Variants in PGLYRP2 observed in about 807,000 individuals in gnomAD.
PGLYRP2 encodes peptidoglycan recognition protein 2.
PGLYRP2 carries 38 observed loss-of-function variants against 46.2 expected under a neutral mutation model. That is an observed-to-expected ratio of 0.82 (90% CI 0.64 to 1.08). The LOEUF is 1.08. Ranked by LOEUF, PGLYRP2 falls within the 50% of genes least tolerant of loss-of-function variation. The probability of loss-of-function intolerance (pLI) is 0.00; values close to 1 mark genes in which losing one functional copy is unlikely to be tolerated. For missense variants in PGLYRP2, 713 were observed against 755.9 expected, an observed-to-expected ratio of 0.94 and a Z score of 0.67; for synonymous variants, 289 against 329.4, an observed-to-expected ratio of 0.88 and a Z score of 1.33.
chr19:15,469,873 C>T lies in PGLYRP2; in HGVS notation c.1400G>A (p.Gly467Asp), dbSNP rs376090335. 1.3e-5 allele frequency: 19 copies of T among 1,495,092 alleles called. No homozygotes were observed. Among genetic ancestry groups the T allele is most frequent in the Non-Finnish European group, 1.7e-5 (19 of 1,132,588 alleles). 92.6% of individuals were successfully genotyped at this position (1,495,092 alleles called of 1,614,324 possible). A position where few individuals can be genotyped will look rare whatever the true frequency, so the allele number is the denominator to read the frequency against. ...GGAGTTGTGGCCGAGCGTGTGGGCG[C>T]CCACCCAGTGCCAGCCGCGTCCCTC... ...VYEGRGWHWV[G>D]AHTLGHNSRG... The change falls in exon 4 of 5, where the codon GGC becomes GAC. Residue 467 changes from glycine (G) to aspartate (D), a missense_variant. Transcript: ENST00000340880. This position sits in a 1 kb window ranked among gnomAD's most constrained non-coding sequence, Gnocchi z 4.9.
At chr19:15,471,807 C>T in intron 3 of PGLYRP2, 83 bp downstream of exon 3, 4 of 1,457,416 alleles carry the variant, frequency 2.7e-6, no homozygotes, top group East Asian at 2.4e-5. Context: ...GGTTCAAGCC[C>T]GGTCCCCTGC....
At chr19:15,470,299 TC>T in intron 3 of PGLYRP2, among the ~76,000 whole-genome samples, 2 of 140,454 alleles carry the variant, frequency 1.4e-5, no homozygotes. Flanking sequence ...CTTCCTTCTT[TC>T]TTTCTTTCTT....
chr19:15,476,360 C>G lies in PGLYRP2; in HGVS notation c.310G>C (p.Glu104Gln), dbSNP rs1970796474. 6.2e-7 allele frequency: 1 copy of G among 1,614,144 alleles called. No homozygotes were observed. The highest frequency in any genetic ancestry group is 8.5e-7 in the Non-Finnish European group (1 of 1,180,018). Residue 104 changes from glutamate (E) to glutamine (Q), a missense_variant, in exon 2 of 5, where the codon GAA (glutamate) becomes CAA (glutamine). Transcript: ENST00000340880. ...TKEVARHDVREGKEYGVVLAP... is the reference protein window; with the variant it reads ...TKEVARHDVRQGKEYGVVLAP... ...AGCACCACCCCATATTCCTTCCCTT[C>G]TCGTACGTCATGTCGGGCCACCTCC...
rs571373080 is a variant in PGLYRP2 at position 15,474,618 on chromosome 19, G to T, written c.1132+920C>A. 2.2e-4 allele frequency among the ~76,000 whole-genome samples: 34 copies of T among 152,220 alleles called. No individual in the cohort carries two copies. In the South Asian group the frequency reaches 7.1e-3, roughly 32 times the overall value. The stretch of plus-strand genomic sequence containing the variant: ...AGCCCTGGACGAAGGTCAGGCCCAG[G>T]TTTCCAGCTAGGGTGATTGCCAGGA... On this transcript the variant is annotated intron_variant, in intron 2 of 4. Transcript: ENST00000340880.
At position 15,469,456 on chromosome 19, in the gene PGLYRP2, G is replaced by A. The variant is rs1318565566; in HGVS notation, c.1641+176C>T. 3 of 902,950 alleles carry A rather than the reference G, an allele frequency of 3.3e-6. No homozygotes were observed. Among genetic ancestry groups the A allele is most frequent in the Non-Finnish European group, 5.3e-6 (3 of 567,116 alleles). 55.9% of individuals were successfully genotyped at this position (902,950 alleles called of 1,614,324 possible). On this transcript the variant is annotated intron_variant, in intron 4 of 4. Transcript: ENST00000340880. The surrounding 1 kb of genome is among the most constrained non-coding windows in gnomAD (Gnocchi z 4.9). The stretch of plus-strand genomic sequence containing the variant: ...AGTCACAGGATCAGGGATGTTGCCC[G>A]CAGAGTGACCCGCAAAGGCTGGGCC...
intron 3 of PGLYRP2, among the ~76,000 whole-genome samples, chr19:15,471,504 C>G (rs1970748736): frequency 6.6e-6 from 1 of 151,834 alleles, no homozygotes; most frequent in Non-Finnish European, 1.5e-5. Context: ...TGGGCTCCAG[C>G]GATCCTCTCT....
intron 1 of PGLYRP2, among the ~76,000 whole-genome samples, chr19:15,477,021 C>T (rs983492257): frequency 7.9e-5 from 12 of 151,994 alleles, no homozygotes; most frequent in Admixed American, 3.3e-4. Context: ...GTCCCCAGAT[C>T]GTGAGAGGGA....
intron 3 of PGLYRP2, among the ~76,000 whole-genome samples, chr19:15,470,241 T>TTCCCTTCC (rs1970732657): frequency 1.0e-5 from 1 of 100,002 alleles, no homozygotes; most frequent in Non-Finnish European, 2.0e-5. Context: ...GTTTTTTTTC[T>TTCCCTTCC]TTCCTTCCTT....
chr19:15,474,737 C>T (rs1385599984), intron 2 of PGLYRP2, among the ~76,000 whole-genome samples: 1 of 152,138 alleles, frequency 6.6e-6, no homozygotes, highest in African/African-American at 2.4e-5. Flanking sequence ...GCCCGTAATC[C>T]TAGCACTTTG....
Position 15,468,719 on chromosome 19 carries a change from T to TA in PGLYRP2, c.1674dup (p.Lys559Ter), listed in dbSNP as rs1273053685. 1.9e-6 allele frequency: 3 copies of TA among 1,612,848 alleles called. No individual in the cohort carries two copies. The South Asian group carries it at 3.3e-5, about 18-fold the overall frequency. On this transcript the variant is annotated frameshift_variant, in exon 5 of 5. Transcript: ENST00000340880. LOFTEE classifies it low-confidence loss of function (END_TRUNC). Reference sequence around the variant, plus strand: ...GGGGGTGGCTCCCTCCTGGATCTCTTAGAGACACTCCTGGCAGGTCTTGGC... The same window carrying TA: ...GGGGGTGGCTCCCTCCTGGATCTCTTAAGAGACACTCCTGGCAGGTCTTGGC...
In PGLYRP2 at chr19:15,469,505, G is replaced by A. The variant is rs1445183657; in HGVS notation, c.1641+127C>T. 3 of 1,316,028 alleles carry A rather than the reference G, an allele frequency of 2.3e-6. No homozygotes were observed. Among genetic ancestry groups the A allele is most frequent in the Non-Finnish European group, 3.2e-6 (3 of 945,008 alleles). 81.5% of individuals were successfully genotyped at this position (1,316,028 alleles called of 1,614,324 possible). On this transcript the variant is annotated intron_variant, in intron 4 of 4. Transcript: ENST00000340880. The surrounding 1 kb of genome is among the most constrained non-coding windows in gnomAD (Gnocchi z 4.9). ...CCTAGGTTTCCTGAATAGACGTGCC[G>A]CCGGGAAGTTGGGGGCCTGGCTGAG...
At position 15,469,154 on chromosome 19, in the gene PGLYRP2, CA is replaced by C; in HGVS notation, c.1642-403del. On this transcript the variant is annotated intron_variant, in intron 4 of 4. Transcript: ENST00000340880. This position sits in a 1 kb window ranked among gnomAD's most constrained non-coding sequence, Gnocchi z 4.9. ...AAGGACTGGACAGAGGTTGTGAAGG[CA>C]AAAGGTCACAGCCTAGGTTCATGTT... The C allele has an allele frequency of 1.8e-6, 1 of 566,150 alleles. No homozygotes were observed. The highest frequency in any genetic ancestry group is 3.1e-6 in the Non-Finnish European group (1 of 318,364). 35.1% of individuals were successfully genotyped at this position (566,150 alleles called of 1,614,324 possible). A position where few individuals can be genotyped will look rare whatever the true frequency, so the allele number is the denominator to read the frequency against.
chr19:15,469,742 C>A lies in PGLYRP2; in HGVS notation c.1531G>T (p.Gly511Cys). 6.7e-7 allele frequency: 1 copy of A among 1,486,372 alleles called. No individual in the cohort carries two copies. The highest frequency in any genetic ancestry group is 8.9e-7 in the Non-Finnish European group (1 of 1,125,398). 92.1% of individuals were successfully genotyped at this position (1,486,372 alleles called of 1,614,324 possible). ...DTLPSCAVRAGLLRPDYALLG... is the reference protein window; with the variant it reads ...DTLPSCAVRACLLRPDYALLG... ...AGCGCGTAGTCTGGCCGCAGGAGGC[C>A]GGCGCGCACCGCACAACTCGGGAGC... Residue 511 changes from glycine to cysteine, a missense_variant, in exon 4 of 5, where the codon GGC (glycine) becomes TGC (cysteine). Gly to Cys is a radical substitution (Grantham distance 159, BLOSUM62 -3). Transcript: ENST00000340880. This position sits in a 1 kb window ranked among gnomAD's most constrained non-coding sequence, Gnocchi z 4.9.
rs778851058 is a variant in PGLYRP2 at position 15,476,481 on chromosome 19, G to A, written c.189C>T (p.His63=). The A allele has an allele frequency of 7.4e-6, 12 of 1,614,198 alleles. No individual in the cohort carries two copies. The Admixed American group carries it at 2.0e-4, about 27-fold the overall frequency. The change falls in exon 2 of 5, where the codon CAC becomes CAT. Residue 63 remains histidine (H), a synonymous_variant. Transcript: ENST00000340880. ...CCAGCAGGAAGTGGTAGAGGCGATT[G>A]TGGGGGCCAGAGTTTGGAGCTGACA... ...WLMSAPNSGP[H]NRLYHFLLGA... is the part of the protein sequence containing the mutation.
rs1970797190 is a variant in PGLYRP2 at position 15,476,391 on chromosome 19, C to G, written c.279G>C (p.Leu93=). The change falls in exon 2 of 5, where the codon CTG becomes CTC. Residue 93 remains leucine, a synonymous_variant. Coordinates refer to ENST00000340880, the MANE Select transcript of PGLYRP2 (RefSeq NM_052890.4). ...CGTCATGTCGGGCCACCTCCTTGGTCAGGCCTAACAGCTCTGGGCTTAGTG... is the reference window on the plus strand; with the variant it reads ...CGTCATGTCGGGCCACCTCCTTGGTGAGGCCTAACAGCTCTGGGCTTAGTG... The part of the protein sequence containing the change: ...PCPLSPELLG[L]TKEVARHDVR... 6.2e-7 allele frequency: 1 copy of G among 1,614,086 alleles called. No homozygotes were observed. Among genetic ancestry groups the G allele is most frequent in the East Asian group, 2.2e-5 (1 of 44,880 alleles).
rs1599766153 is a variant in PGLYRP2 at position 15,474,724 on chromosome 19, C to T, written c.1132+814G>A. 2.6e-5 allele frequency among the ~76,000 whole-genome samples: 4 copies of T among 152,216 alleles called. No homozygotes were observed. The South Asian group carries it at 8.3e-4, about 32-fold the overall frequency. On this transcript the variant is annotated intron_variant, in intron 2 of 4. Coordinates refer to ENST00000340880, the MANE Select transcript of PGLYRP2 (RefSeq NM_052890.4). ...ATAATGTTGGCTGGGCATGGTGGCTCACGCCCGTAATCCTAGCACTTTGGG... is the reference window on the plus strand; with the variant it reads ...ATAATGTTGGCTGGGCATGGTGGCTTACGCCCGTAATCCTAGCACTTTGGG...
At chr19:15,475,346 G>T (rs1599766436) in intron 2 of PGLYRP2, among the ~76,000 whole-genome samples, 192 bp downstream of exon 2, 1 of 152,094 alleles carries the variant, frequency 6.6e-6, no homozygotes, top group African/African-American at 2.4e-5. Flanking sequence ...AACAAAATGA[G>T]ATGAACTCCT....
chr19:15,472,164 A>C, intron 2 of PGLYRP2, 64 bp from the exon 3 acceptor site: 1 of 1,364,312 alleles, frequency 7.3e-7, no homozygotes, highest in Non-Finnish European at 1.0e-6. Flanking sequence ...CTCCACCCGC[A>C]TTAAAGCGCA....
rs1970744868 is a variant in PGLYRP2, at chr19:15,471,125, T to TC, written c.1343+764_1343+765insG. Among the ~76,000 whole-genome samples the TC allele has an allele frequency of 2.8e-5, 4 of 142,444 alleles. 1 individual carries two copies. Among genetic ancestry groups the TC allele is most frequent in the Admixed American group, 1.4e-4 (2 of 14,394 alleles). 93.4% of individuals were successfully genotyped at this position (142,444 alleles called of 152,430 possible). A position where few individuals can be genotyped will look rare whatever the true frequency, so the allele number is the denominator to read the frequency against. ...CAGCTTTTTTTTTTTTTTTTTTTTTTTTTTTGAGACGGAGTCTCGCTCTGT... is the reference window on the plus strand; with the variant it reads ...CAGCTTTTTTTTTTTTTTTTTTTTTTCTTTTTGAGACGGAGTCTCGCTCTGT... On this transcript the variant is annotated intron_variant, in intron 3 of 4. Transcript: ENST00000340880.
Sources: allele counts gnomAD v4.1 joint callset (sites outside exome capture counted in the v4.1 genomes callset), GRCh38; gene constraint gnomAD v4.1.1; non-coding constraint Gnocchi (gnomAD v3.1); transcripts MANE v1.5; gene names NCBI Gene and HGNC (gene_info 2026-07-23, HGNC 2026-07-21).